The following LONP1 variants were observed in gnomAD, a reference collection of about 807,000 sequenced individuals.
LONP1 encodes lon peptidase 1, mitochondrial.
Under a neutral mutation model 98.5 loss-of-function variants are expected in LONP1, and 31 were observed. That is an observed-to-expected ratio of 0.31 (90% confidence interval 0.24 to 0.42). LONP1 has a LOEUF of 0.42. LONP1 is among the 20% of genes least tolerant of loss of function. LONP1 has a pLI of 1.00. For missense variants in LONP1, 1,336 were observed against 1,350.6 expected, an observed-to-expected ratio of 0.99 and a Z score of 0.17; for synonymous variants, 781 against 594.7, an observed-to-expected ratio of 1.31 and a Z score of -4.56.
intron 8 of LONP1, among the ~76,000 whole-genome samples, chr19:5,702,678 A>T (rs2055076050): frequency 6.6e-6 from 1 of 152,080 alleles, no homozygotes; most frequent in East Asian, 1.9e-4. Context: ...TACTAAGAAA[A>T]ATTCTTCTGC....
chr19:5,693,151 G>C (rs2054860871), intron 17 of LONP1, 147 bp downstream of exon 17: 2 of 975,176 alleles, frequency 2.1e-6, no homozygotes, highest in Non-Finnish European at 3.0e-6. Flanking sequence ...GTGAGCTTAA[G>C]GCCAGCTCCA....
At chr19:5,709,648 G>A (rs921236526) in intron 4 of LONP1, among the ~76,000 whole-genome samples, 12 of 152,066 alleles carry the variant, frequency 7.9e-5, no homozygotes, top group African/African-American at 2.9e-4. Context: ...AGTGGCTCAC[G>A]CCTGTAACCC....
chr19:5,693,280 G>T lies in LONP1; in HGVS notation c.2703+18C>A. On this transcript the variant is annotated intron_variant, in intron 17 of 17. Transcript: ENST00000360614. ...GTGGGCCCTGCCAGTGCTGTGGGGT[G>T]GGTACAGGGACACTCACCGCAATGG... The T allele has an allele frequency of 6.3e-7, 1 of 1,593,184 alleles. No homozygotes were observed. The highest frequency in any genetic ancestry group is 1.1e-5 in the South Asian group (1 of 89,800).
chr19:5,696,345 CT>C lies in LONP1; in HGVS notation c.1799del (p.Gln600ArgfsTer56). ...CCAGCAGTGCCGACGACGGGTCCCC[CT>C]GGTAGCCTCGGCCGATCTTGTCCAC... ...DEVDKIGRGY[Q>X]GDPSSALLEL... On this transcript the variant is annotated frameshift_variant, in exon 12 of 18. Coordinates refer to ENST00000360614, the MANE Select transcript of LONP1 (RefSeq NM_004793.4). LOFTEE classifies it high-confidence loss of function. 4 of 1,613,194 alleles carry C rather than the reference CT, an allele frequency of 2.5e-6. No homozygotes were observed. The highest frequency in any genetic ancestry group is 1.1e-5 in the South Asian group (1 of 91,086).
chr19:5,693,274 T>G (rs1466979901), intron 17 of LONP1, 24 bp downstream of exon 17: 1 of 1,589,910 alleles, frequency 6.3e-7, no homozygotes, highest in South Asian at 1.1e-5. Flanking sequence ...GCCAGTGCTG[T>G]GGGGTGGGTA....
chr19:5,719,643 C>T, intron 1 of LONP1, 61 bp downstream of exon 1: 1 of 1,611,618 alleles, frequency 6.2e-7, no homozygotes, highest in Admixed American at 1.7e-5. Context: ...AGTGATCCCA[C>T]GGTTCAGCCC....
At chr19:5,716,446 G>A (rs1432618987) in intron 1 of LONP1, among the ~76,000 whole-genome samples, 2 of 150,936 alleles carry the variant, frequency 1.3e-5, no homozygotes, top group Non-Finnish European at 3.0e-5. Context: ...ATCACATGAT[G>A]CCGATGCTGC....
At chr19:5,694,069 C>T (rs956724770) in intron 15 of LONP1, among the ~76,000 whole-genome samples, 1 of 152,216 alleles carries the variant, frequency 6.6e-6, no homozygotes, top group African/African-American at 2.4e-5. Context: ...TCTCCAGCCC[C>T]TCCCGCACCA....
chr19:5,719,619 C>T, intron 1 of LONP1, 85 bp downstream of exon 1: 1 of 1,601,274 alleles, frequency 6.2e-7, no homozygotes, highest in African/African-American at 1.3e-5. Context: ...AGTTGCGAAA[C>T]ACAAGGGCGC....
chr19:5,706,484 G>A (rs1258007208), intron 7 of LONP1, among the ~76,000 whole-genome samples: 2 of 152,100 alleles, frequency 1.3e-5, no homozygotes, highest in Non-Finnish European at 2.9e-5. Context: ...TTGCACGCCT[G>A]TAATCCCAGC....
At chr19:5,701,592 C>T (rs1033980648) in intron 8 of LONP1, among the ~76,000 whole-genome samples, 5 of 152,346 alleles carry the variant, frequency 3.3e-5, no homozygotes, top group Admixed American at 6.5e-5. Flanking sequence ...CTCGGCCTCC[C>T]GAGGTGCCGG....
chr19:5,719,804 G>A lies in LONP1; in HGVS notation c.329C>T (p.Thr110Met), dbSNP rs773555758. 21 of 1,612,390 alleles carry A rather than the reference G, an allele frequency of 1.3e-5. No homozygotes were observed. The highest frequency in any genetic ancestry group is 1.0e-4 in the Admixed American group (6 of 60,000). The change falls in exon 1 of 18, where the codon ACG (threonine) becomes ATG (methionine). Residue 110 changes from threonine (T) to methionine (M), a missense_variant. Thr to Met is a moderately conservative substitution (Grantham distance 81, BLOSUM62 -1). Transcript: ENST00000360614. ...GGGGATCGTCATGGGCGTGAGCGCCGTTATGACCGGGCCTTCCCCGGCGCC... is the reference window on the plus strand; with the variant it reads ...GGGGATCGTCATGGGCGTGAGCGCCATTATGACCGGGCCTTCCCCGGCGCC... ...SAGAGEGPVI[T>M]ALTPMTIPDV...
At chr19:5,715,431 C>G (rs1234151763) in intron 1 of LONP1, among the ~76,000 whole-genome samples, 1 of 149,950 alleles carries the variant, frequency 6.7e-6, no homozygotes, top group African/African-American at 2.5e-5. Flanking sequence ...ATCACAAGGT[C>G]AGGAGATCGA....
chr19:5,707,837 A>C lies in LONP1; in HGVS notation c.933-11T>G. ...TGCAGCACTGACTCCCTGGGGGACA[A>C]AGGGAGCTGCCTCGGTGGCCAGGGC... On this transcript the variant is annotated splice_polypyrimidine_tract_variant and intron_variant, in intron 5 of 17. Transcript: ENST00000360614. 1.2e-6 allele frequency: 2 copies of C among 1,612,458 alleles called. No homozygotes were observed. The highest frequency in any genetic ancestry group is 1.7e-6 in the Non-Finnish European group (2 of 1,179,636).
At chr19:5,715,577 G>A (rs2055303455) in intron 1 of LONP1, among the ~76,000 whole-genome samples, 1 of 138,630 alleles carries the variant, frequency 7.2e-6, no homozygotes. Flanking sequence ...GGGAGGCGGA[G>A]CATGCAGTGA....
At chr19:5,712,184 A>G in intron 3 of LONP1, 182 bp from the exon 4 acceptor site, 2 of 580,872 alleles carry the variant, frequency 3.4e-6, no homozygotes, top group Non-Finnish European at 6.1e-6. Context: ...CCTCCCAACC[A>G]GTGTCCCCTC....
chr19:5,695,400 G>A (rs1039709156), intron 13 of LONP1, among the ~76,000 whole-genome samples: 1 of 152,030 alleles, frequency 6.6e-6, no homozygotes, highest in African/African-American at 2.4e-5. Flanking sequence ...CTGATACTGG[G>A]GGGCACTCCT....
chr19:5,702,009 G>A (rs2145599464), intron 8 of LONP1, among the ~76,000 whole-genome samples: 1 of 151,998 alleles, frequency 6.6e-6, no homozygotes, highest in Non-Finnish European at 1.5e-5. Flanking sequence ...CCCTCTGCCT[G>A]GCAACCGACC....
chr19:5,708,468 G>GGGT, intron 4 of LONP1, 65 bp from the exon 5 acceptor site: 1 of 551,268 alleles, frequency 1.8e-6, no homozygotes, highest in Non-Finnish European at 3.4e-6. Context: ...GGCTGGGTGG[G>GGGT]AGCATGGCCC....
Sources: allele counts gnomAD v4.1 joint callset (sites outside exome capture counted in the v4.1 genomes callset), GRCh38; gene constraint gnomAD v4.1.1; transcripts MANE v1.5; gene names NCBI Gene and HGNC (gene_info 2026-07-23, HGNC 2026-07-21).